ZNF638: variants seen among roughly 807,000 people sequenced by gnomAD.
ZNF638 encodes the protein CTCL tumor antigen se33-1.
Under a neutral mutation model 195.6 loss-of-function variants are expected in ZNF638, and 46 were observed. That is an observed-to-expected ratio of 0.24 (90% CI 0.19 to 0.30). ZNF638 has a LOEUF of 0.30. ZNF638 is among the 10% of genes least tolerant of loss of function. ZNF638 has a pLI of 1.00. For missense variants in ZNF638, 2,440 were observed against 2,325.3 expected, an observed-to-expected ratio of 1.05 and a Z score of -1.01; for synonymous variants, 845 against 772.0, an observed-to-expected ratio of 1.09 and a Z score of -1.57.
At chr2:71,425,215 A>G (rs1247071639) in intron 23 of ZNF638, among the ~76,000 whole-genome samples, 3 of 152,188 alleles carry the variant, frequency 2.0e-5, no homozygotes, top group Non-Finnish European at 4.4e-5. Context: ...TTTACCATTC[A>G]TAGAATTTTT....
At chr2:71,404,782 C>T (rs578134927) in intron 17 of ZNF638, among the ~76,000 whole-genome samples, 3 of 152,286 alleles carry the variant, frequency 2.0e-5, no homozygotes, top group Non-Finnish European at 2.9e-5. Flanking sequence ...TGTACATACA[C>T]GCTACCTTCA....
chr2:71,428,871 C>T (rs995524288), intron 25 of ZNF638: 1 of 367,236 alleles, frequency 2.7e-6, no homozygotes, highest in Non-Finnish European at 4.9e-6. Context: ...GGAAATGATC[C>T]TCGAAAGGTT....
intron 7 of ZNF638, 123 bp from the exon 8 acceptor site, chr2:71,369,760 G>A (rs1258185379): frequency 2.1e-6 from 2 of 948,112 alleles, no homozygotes; most frequent in Non-Finnish European, 1.5e-6. Context: ...ACAGGCAAAA[G>A]CAACCATGAC....
chr2:71,389,888 A>T (rs993740548), intron 10 of ZNF638, among the ~76,000 whole-genome samples: 1 of 152,216 alleles, frequency 6.6e-6, no homozygotes, highest in Admixed American at 6.5e-5. Flanking sequence ...AGGCAGTCAG[A>T]GGAAAGGCAG....
rs2080019989 is a variant in ZNF638, at chr2:71,402,173, G to GT, written c.2829+89dup. 17 of 1,392,626 alleles carry GT rather than the reference G, an allele frequency of 1.2e-5. No homozygotes were observed. In the South Asian group the frequency reaches 2.6e-4, roughly 21 times the overall value. 86.3% of individuals were successfully genotyped at this position (1,392,626 alleles called of 1,614,324 possible). A position where few individuals can be genotyped will look rare whatever the true frequency, so the allele number is the denominator to read the frequency against. On this transcript the variant is annotated intron_variant, in intron 16 of 27. Transcript: ENST00000264447. ...AAATTTACAAAACTAAAAAGAAAAG[G>GT]TTTAAAAGCAGTATCTCAAAGTAAA...
chr2:71,382,632 G>A (rs1347491421), intron 10 of ZNF638, among the ~76,000 whole-genome samples: 1 of 152,164 alleles, frequency 6.6e-6, no homozygotes, highest in Non-Finnish European at 1.5e-5. Context: ...CATGATAGGG[G>A]GCACTTTGTA....
chr2:71,421,098 C>T (rs1339617931), intron 21 of ZNF638, among the ~76,000 whole-genome samples: 1 of 151,966 alleles, frequency 6.6e-6, no homozygotes, highest in Non-Finnish European at 1.5e-5. Context: ...TTTACTTAGC[C>T]CTAAGTTTCT....
At position 71,405,625 on chromosome 2, in the gene ZNF638, A is replaced by G; in HGVS notation, c.2983A>G (p.Lys995Glu). 6.4e-7 allele frequency: 1 copy of G among 1,571,722 alleles called. No individual in the cohort carries two copies. The highest frequency in any genetic ancestry group is 1.2e-5 in the South Asian group (1 of 85,922). The change falls in exon 18 of 28, where the codon AAA becomes GAA. Residue 995 changes from lysine to glutamate, a missense_variant. Physicochemically the swap from Lys to Glu is moderately conservative, Grantham distance 56 (BLOSUM62 1). Around this residue, in one of 5 missense-constraint regions of ZNF638, gnomAD observed 1,883 missense variants for 1,739.1 expected, o/e 1.08. Coordinates refer to ENST00000264447, the MANE Select transcript of ZNF638 (RefSeq NM_014497.5). ...DEEAIFITLV[K>E]ENDPEANIDT... ...GGAAGCTATATTTATAACCTTGGTAAAAGAAAATGACCCAGAGGTAAGTTT... is the reference window on the plus strand; with the variant it reads ...GGAAGCTATATTTATAACCTTGGTAGAAGAAAATGACCCAGAGGTAAGTTT...
chr2:71,359,348 A>C (rs996265698), intron 3 of ZNF638, among the ~76,000 whole-genome samples: 1 of 152,228 alleles, frequency 6.6e-6, no homozygotes, highest in African/African-American at 2.4e-5. Flanking sequence ...TGCAAGTTGC[A>C]TAAGACTTGG....
chr2:71,433,427 A>C, intron 27 of ZNF638, 144 bp downstream of exon 27: 1 of 617,530 alleles, frequency 1.6e-6, no homozygotes, highest in East Asian at 2.8e-5. Flanking sequence ...TTTCTCCTTC[A>C]GTGTACCTTG....
intron 1 of ZNF638, among the ~76,000 whole-genome samples, chr2:71,344,267 G>A (rs946032064): frequency 2.0e-5 from 3 of 152,188 alleles, no homozygotes; most frequent in Non-Finnish European, 4.4e-5. Context: ...TTACGTAGTA[G>A]TGTCCCTTTT....
At chr2:71,374,155 C>G (rs528060417) in intron 8 of ZNF638, 1 of 152,240 alleles carries the variant, frequency 6.6e-6, no homozygotes, top group East Asian at 1.9e-4. Flanking sequence ...TTTTTAAGAA[C>G]TTGCCTGTGC....
chr2:71,345,692 A>G (rs2078839392), intron 1 of ZNF638, among the ~76,000 whole-genome samples: 1 of 151,330 alleles, frequency 6.6e-6, no homozygotes, highest in Non-Finnish European at 1.5e-5. Flanking sequence ...TTTTGTAGAG[A>G]CAGGATTTTG....
At chr2:71,372,323 G>A (rs1036473177) in intron 8 of ZNF638, among the ~76,000 whole-genome samples, 2 of 152,140 alleles carry the variant, frequency 1.3e-5, no homozygotes, top group Non-Finnish European at 2.9e-5. Context: ...GATTCTTATT[G>A]CCGGGATGGA....
chr2:71,398,548 T>C (rs957757336), intron 11 of ZNF638, among the ~76,000 whole-genome samples, 153 bp from the exon 12 acceptor site: 3 of 152,212 alleles, frequency 2.0e-5, no homozygotes, highest in Admixed American at 2.0e-4. Context: ...TTGCTAGATT[T>C]AGAAAATGGC....
intron 2 of ZNF638, among the ~76,000 whole-genome samples, chr2:71,353,810 T>C (rs938318782): frequency 1.3e-5 from 2 of 152,228 alleles, no homozygotes; most frequent in Non-Finnish European, 2.9e-5. Context: ...CACTTTATGG[T>C]TCAAATAAAT....
In ZNF638 at chr2:71,363,963, C is replaced by T; in HGVS notation, c.1428C>T (p.Gly476=). ...GCCCCCCTGCTTGTAGAAATGAGGG[C>T]AATAGAAAAGAAAATGAAACTCCAC... ...PEILPSRRNE[G]NRKENETPRR... Residue 476 remains glycine (G), a synonymous_variant, in exon 5 of 28, where the codon GGC becomes GGT. Coordinates refer to ENST00000264447, the MANE Select transcript of ZNF638 (RefSeq NM_014497.5). 2 of 1,611,558 alleles carry T rather than the reference C, an allele frequency of 1.2e-6. No homozygotes were observed. The highest frequency in any genetic ancestry group is 1.7e-6 in the Non-Finnish European group (2 of 1,178,604).
intron 20 of ZNF638, among the ~76,000 whole-genome samples, chr2:71,417,342 C>T (rs1419277953): frequency 3.4e-5 from 5 of 146,576 alleles, no homozygotes; most frequent in East Asian, 2.1e-4. Context: ...GGCTCGCGCA[C>T]GGTGCGCGCA....
chr2:71,333,907 G>T (rs2078617706), intron 1 of ZNF638, among the ~76,000 whole-genome samples: 1 of 152,226 alleles, frequency 6.6e-6, no homozygotes, highest in African/African-American at 2.4e-5. Context: ...CAAAATTGAA[G>T]TGCTTAGGCA....
Sources: gnomAD v4.1 joint callset for allele counts (sites outside exome capture counted in the v4.1 genomes callset) on GRCh38, gnomAD v4.1.1 for gene constraint, gnomAD v4.1.1 regional missense constraint, MANE v1.5 for transcripts, NCBI Gene and HGNC (gene_info 2026-07-23, HGNC 2026-07-21) for gene names.